The following CTNND2 variants were observed in gnomAD, a reference collection of about 807,000 sequenced individuals.
The protein encoded by CTNND2 is catenin delta 2.
In CTNND2, 22 loss-of-function variants were observed where a neutral mutation model predicts 144.4. That is an observed-to-expected ratio of 0.15 (90% CI 0.11 to 0.22). The LOEUF (loss-of-function observed/expected upper bound fraction) is 0.22. CTNND2 is among the 10% of genes least tolerant of loss of function. The pLI is 1.00. For missense variants in CTNND2, 1,353 were observed against 1,618.8 expected (o/e 0.84, Z 2.82); for synonymous variants, 751 against 695.6 (o/e 1.08, Z -1.25).
chr5:11,671,349 T>C (rs2126600792), intron 2 of CTNND2, among the ~76,000 whole-genome samples: 1 of 152,310 alleles, frequency 6.6e-6, no homozygotes, highest in Non-Finnish European at 1.5e-5. Context: ...TAAGTTCTCC[T>C]GGAAAATATC....
At chr5:11,405,607 C>A (rs1434844666) in intron 5 of CTNND2, among the ~76,000 whole-genome samples, 1 of 151,886 alleles carries the variant, frequency 6.6e-6, no homozygotes, top group Non-Finnish European at 1.5e-5. Flanking sequence ...AAATTAAACA[C>A]CAGCTGAGAA....
intron 1 of CTNND2, among the ~76,000 whole-genome samples, chr5:11,895,329 T>C (rs1249559764): frequency 1.3e-5 from 2 of 152,212 alleles, no homozygotes; most frequent in African/African-American, 4.8e-5. Context: ...ACAGCTAATG[T>C]GTGTTGTAAT....
intron 1 of CTNND2, among the ~76,000 whole-genome samples, chr5:11,778,020 C>T (rs1183067277): frequency 6.6e-6 from 1 of 152,148 alleles, no homozygotes; most frequent in Non-Finnish European, 1.5e-5. Flanking sequence ...TTGTCCCAAA[C>T]TACCTGTGAT....
intron 16 of CTNND2, among the ~76,000 whole-genome samples, chr5:11,029,468 T>A (rs1743219473): frequency 6.6e-6 from 1 of 152,234 alleles, no homozygotes; most frequent in Non-Finnish European, 1.5e-5. Context: ...TTCTTTGTGG[T>A]TACCACAGGG....
chr5:11,166,812 TA>T (rs1338944532), intron 11 of CTNND2, among the ~76,000 whole-genome samples: 1 of 152,106 alleles, frequency 6.6e-6, no homozygotes, highest in Non-Finnish European at 1.5e-5. Flanking sequence ...CGAGAAGCAA[TA>T]ACCCTCTGGA....
intron 21 of CTNND2, among the ~76,000 whole-genome samples, chr5:10,980,948 C>T (rs994390285): frequency 7.4e-4 from 112 of 152,086 alleles, no homozygotes; most frequent in African/African-American, 2.2e-3. Flanking sequence ...ATTTGGATGT[C>T]GGGTTGATGG....
At chr5:11,046,840 A>C (rs1745313323) in intron 16 of CTNND2, among the ~76,000 whole-genome samples, 1 of 152,234 alleles carries the variant, frequency 6.6e-6, no homozygotes, top group Non-Finnish European at 1.5e-5. Context: ...AAAACAAAAC[A>C]AAACAAAACA....
chr5:11,334,730 C>T (rs544548774), intron 9 of CTNND2, among the ~76,000 whole-genome samples: 1 of 152,298 alleles, frequency 6.6e-6, no homozygotes, highest in South Asian at 2.1e-4. Flanking sequence ...TAGATGGAGG[C>T]CCTCACTTTG....
intron 3 of CTNND2, among the ~76,000 whole-genome samples, chr5:11,521,060 G>A (rs538094357): frequency 6.6e-6 from 1 of 152,274 alleles, no homozygotes; most frequent in African/African-American, 2.4e-5. Flanking sequence ...GGAAAATAGA[G>A]GGGTAATTCG....
chr5:11,765,034 G>GCACCCC (rs1789498333), intron 1 of CTNND2, among the ~76,000 whole-genome samples: 1 of 143,930 alleles, frequency 6.9e-6, no homozygotes, highest in African/African-American at 2.7e-5. Flanking sequence ...CATTAATCCT[G>GCACCCC]CCCCCCCCAC....
chr5:11,411,124 G>A (rs959800949), intron 5 of CTNND2, among the ~76,000 whole-genome samples: 5 of 151,886 alleles, frequency 3.3e-5, no homozygotes, highest in East Asian at 3.9e-4. Context: ...TGCCCATCTC[G>A]GTCTCCCAAA....
At chr5:11,393,848 C>T (rs1561328113) in intron 6 of CTNND2, among the ~76,000 whole-genome samples, 1 of 152,028 alleles carries the variant, frequency 6.6e-6, no homozygotes, top group Admixed American at 6.6e-5. Context: ...TAGATCATGT[C>T]GTTCCTCTGC....
intron 8 of CTNND2, among the ~76,000 whole-genome samples, chr5:11,353,673 G>T (rs1580993440): frequency 6.6e-6 from 1 of 151,976 alleles, no homozygotes; most frequent in Non-Finnish European, 1.5e-5. Context: ...TGTGGTGGCA[G>T]GCACCTGTAA....
chr5:11,015,189 T>G (rs1191216872), intron 18 of CTNND2, among the ~76,000 whole-genome samples: 1 of 152,206 alleles, frequency 6.6e-6, no homozygotes, highest in Non-Finnish European at 1.5e-5. Flanking sequence ...AAGAACAAAA[T>G]AGAAATCTAT....
At chr5:11,814,711 C>A (rs1364089671) in intron 1 of CTNND2, among the ~76,000 whole-genome samples, 1 of 152,194 alleles carries the variant, frequency 6.6e-6, no homozygotes, top group Non-Finnish European at 1.5e-5. Flanking sequence ...GGGTTTCACT[C>A]TGAATAGGAC....
At position 11,616,667 on chromosome 5, in the gene CTNND2, C is replaced by T. The variant is rs375886827; in HGVS notation, c.175-51611G>A. On this transcript the variant is annotated intron_variant, in intron 2 of 21. Transcript: ENST00000304623. ...CTGTCATCCAGGCTGGAGTGAGTGG[C>T]GTGATCTTGGCTCACTGCACCCTCC... Among the ~76,000 whole-genome samples, 25 of 151,060 alleles carry T rather than the reference C, an allele frequency of 1.7e-4. 2 individuals are homozygous for T. In the East Asian group the frequency reaches 3.9e-3, roughly 24 times the overall value.
intron 11 of CTNND2, among the ~76,000 whole-genome samples, chr5:11,177,982 T>C (rs1418035069): frequency 6.6e-6 from 1 of 152,170 alleles, no homozygotes; most frequent in African/African-American, 2.4e-5. Flanking sequence ...TGGTTCCTGG[T>C]AGCTACTGAT....
At chr5:11,773,810 CAAAAAAAA>C (rs11308130) in intron 1 of CTNND2, among the ~76,000 whole-genome samples, 1 of 92,352 alleles carries the variant, frequency 1.1e-5, no homozygotes, top group Non-Finnish European at 2.4e-5. Context: ...GACTCCATCT[CAAAAAAAA>C]AAAAAAAAAA....
intron 1 of CTNND2, among the ~76,000 whole-genome samples, chr5:11,818,036 C>A (rs1793102262): frequency 7.1e-6 from 1 of 140,166 alleles, no homozygotes; most frequent in Non-Finnish European, 1.5e-5. Context: ...CAAAGCCGCA[C>A]ATTATATTTC....
Sources: allele counts gnomAD v4.1 joint callset (sites outside exome capture counted in the v4.1 genomes callset), GRCh38; gene constraint gnomAD v4.1.1; transcripts MANE v1.5; gene names NCBI Gene and HGNC (gene_info 2026-07-23, HGNC 2026-07-21).